Variants in RNLS observed in about 807,000 individuals in gnomAD.
The protein encoded by RNLS is renalase, FAD dependent amine oxidase.
A neutral mutation model predicts 39.8 loss-of-function variants in RNLS; 39 were observed. The ratio of observed to expected loss-of-function variants is 0.98; its 90% CI spans 0.76 to 1.28. RNLS has a LOEUF of 1.28. Among genes scored for constraint, RNLS ranks in the 50% most tolerant of loss-of-function variants. The pLI is 0.00. For synonymous variants in RNLS, 147 were observed against 150.7 expected, an observed-to-expected ratio of 0.98 and a Z score of 0.18; for missense variants, 410 against 413.3, an observed-to-expected ratio of 0.99 and a Z score of 0.07.
intron 4 of RNLS, among the ~76,000 whole-genome samples, chr10:88,479,818 C>G (rs141605167): frequency 3.6e-4 from 51 of 140,878 alleles, no homozygotes; most frequent in African/African-American, 1.2e-3. Context: ...TAAGTTCCTA[C>G]TTTCTAAAAG....
chr10:88,555,609 G>A (rs1004292261), intron 4 of RNLS, among the ~76,000 whole-genome samples: 4 of 152,012 alleles, frequency 2.6e-5, no homozygotes, highest in East Asian at 1.9e-4. Flanking sequence ...TGTATAGCCC[G>A]CAGAACTGTT....
intron 4 of RNLS, among the ~76,000 whole-genome samples, chr10:88,562,033 T>G (rs899514596): frequency 6.6e-6 from 1 of 152,022 alleles, no homozygotes; most frequent in Non-Finnish European, 1.5e-5. Flanking sequence ...TGATAAAAAT[T>G]TAAAATATCC....
At chr10:88,321,264 G>A (rs1053281501) in intron 5 of RNLS, among the ~76,000 whole-genome samples, 2 of 152,010 alleles carry the variant, frequency 1.3e-5, no homozygotes, top group African/African-American at 4.8e-5. Context: ...AGTGAAAATA[G>A]AAACAAAATA....
Position 88,362,666 on chromosome 10 carries a change from G to C in RNLS, c.586C>G (p.Leu196Val). ...GTACCAGCTTCATAAAAGAGGCCCAGAGCATATCGAGAGGAGTAGCTCACA... is the reference window on the plus strand; with the variant it reads ...GTACCAGCTTCATAAAAGAGGCCCACAGCATATCGAGAGGAGTAGCTCACA... ...EAVSYSSRYALGLFYEAGTKI... is the reference protein window; with the variant it reads ...EAVSYSSRYAVGLFYEAGTKI... The change falls in exon 5 of 7, where the codon CTG becomes GTG. Residue 196 changes from leucine (L) to valine (V), a missense_variant. Leu to Val is a conservative substitution (Grantham distance 32). Coordinates refer to ENST00000331772, the MANE Select transcript of RNLS (RefSeq NM_001031709.3). 1.9e-6 allele frequency: 3 copies of C among 1,613,936 alleles called. No homozygotes were observed. Among genetic ancestry groups the C allele is most frequent in the Non-Finnish European group, 2.5e-6 (3 of 1,179,928 alleles).
intron 4 of RNLS, among the ~76,000 whole-genome samples, chr10:88,541,760 G>T (rs200601290): frequency 6.6e-6 from 1 of 152,260 alleles, no homozygotes; most frequent in East Asian, 1.9e-4. Context: ...TGACCCTTGA[G>T]GCAAAGAGAA....
chr10:88,375,426 TA>T (rs1168992871), intron 4 of RNLS, among the ~76,000 whole-genome samples: 2 of 152,200 alleles, frequency 1.3e-5, no homozygotes, highest in Non-Finnish European at 2.9e-5. Context: ...ATGTCCAATA[TA>T]AATAGAAACA....
At chr10:88,408,696 AT>A (rs979219072) in intron 4 of RNLS, among the ~76,000 whole-genome samples, 4 of 151,942 alleles carry the variant, frequency 2.6e-5, no homozygotes, top group East Asian at 3.9e-4. Flanking sequence ...TTGGCATACT[AT>A]TTTTTTATAA....
chr10:88,371,067 T>G (rs1395796656), intron 4 of RNLS, among the ~76,000 whole-genome samples: 1 of 152,158 alleles, frequency 6.6e-6, no homozygotes, highest in Non-Finnish European at 1.5e-5. Flanking sequence ...AAATTTGGGT[T>G]TGAATTCTGT....
intron 4 of RNLS, among the ~76,000 whole-genome samples, chr10:88,370,028 T>C (rs938400574): frequency 1.3e-5 from 2 of 152,122 alleles, no homozygotes; most frequent in Non-Finnish European, 2.9e-5. Flanking sequence ...ATACCATCTA[T>C]TTCTTGCTGG....
the RNLS span, among the ~76,000 whole-genome samples, chr10:88,196,698 GA>G: frequency 6.6e-6 from 1 of 152,196 alleles, no homozygotes; most frequent in Non-Finnish European, 1.5e-5. Flanking sequence ...GCTTGAGGTA[GA>G]GCCACCTAGC....
At chr10:88,376,448 C>A (rs1422580361) in intron 4 of RNLS, among the ~76,000 whole-genome samples, 1 of 152,112 alleles carries the variant, frequency 6.6e-6, no homozygotes, top group African/African-American at 2.4e-5. Flanking sequence ...GAGTCAATGT[C>A]GCTTTGAGAA....
chr10:88,321,340 T>C (rs1846168018), intron 5 of RNLS, among the ~76,000 whole-genome samples: 1 of 152,034 alleles, frequency 6.6e-6, no homozygotes, highest in Non-Finnish European at 1.5e-5. Flanking sequence ...AATGTTTACA[T>C]CAAAAAGATA....
At chr10:88,479,678 C>T (rs1330525468) in intron 4 of RNLS, among the ~76,000 whole-genome samples, 1 of 152,040 alleles carries the variant, frequency 6.6e-6, no homozygotes, top group African/African-American at 2.4e-5. Context: ...CTTAGCCTTT[C>T]CCATTTTCAG....
chr10:88,574,764 T>C (rs1270564950), intron 3 of RNLS, among the ~76,000 whole-genome samples: 1 of 152,162 alleles, frequency 6.6e-6, no homozygotes, highest in African/African-American at 2.4e-5. Flanking sequence ...GTACTCCATC[T>C]TGCCTGAGGG....
chr10:88,245,282 T>C, the RNLS span, among the ~76,000 whole-genome samples: 1 of 152,234 alleles, frequency 6.6e-6, no homozygotes, highest in Non-Finnish European at 1.5e-5. Flanking sequence ...ATGGTGTGAT[T>C]GCCCAGCACC....
At chr10:88,416,373 C>T (rs1177111530) in intron 4 of RNLS, among the ~76,000 whole-genome samples, 1 of 151,972 alleles carries the variant, frequency 6.6e-6, no homozygotes. Context: ...CCTGCCTTAG[C>T]CTCCTGAGTA....
chr10:88,277,059 A>G (rs1174060001), intron 6 of RNLS, among the ~76,000 whole-genome samples: 1 of 152,232 alleles, frequency 6.6e-6, no homozygotes, highest in East Asian at 1.9e-4. Context: ...CACAATAGCA[A>G]AGACTTGGAA....
intron 5 of RNLS, among the ~76,000 whole-genome samples, chr10:88,318,891 A>G (rs1163127713): frequency 1.3e-5 from 2 of 151,926 alleles, no homozygotes; most frequent in African/African-American, 4.8e-5. Flanking sequence ...CTCCAACAAA[A>G]TCTCCTCCCC....
In RNLS at chr10:88,326,965, T is replaced by C. The variant is rs1846664253; in HGVS notation, c.701-12324A>G. ...ATTGAATAGCTGCCCTGCTGGGTTT[T>C]AGACTTGCATGGGGACTGTAACCCC... On this transcript the variant is annotated intron_variant, in intron 5 of 6. Coordinates refer to ENST00000331772, the MANE Select transcript of RNLS (RefSeq NM_001031709.3). Among the ~76,000 whole-genome samples, 3 of 152,318 alleles carry C rather than the reference T, an allele frequency of 2.0e-5. 1 individual carries two copies. The South Asian group carries it at 6.2e-4, about 32-fold the overall frequency.
Sources: gnomAD v4.1 joint callset for allele counts (sites outside exome capture counted in the v4.1 genomes callset) on GRCh38, gnomAD v4.1.1 for gene constraint, MANE v1.5 for transcripts, NCBI Gene and HGNC (gene_info 2026-07-23, HGNC 2026-07-21) for gene names.